MYO18B: variants seen among roughly 807,000 people sequenced by gnomAD.
The protein encoded by MYO18B is myosin XVIIIB.
MYO18B carries 204 observed loss-of-function variants against 273.0 expected under a neutral mutation model. The ratio of observed to expected loss-of-function variants is 0.75; its 90% CI spans 0.67 to 0.84. The LOEUF (loss-of-function observed/expected upper bound fraction) is 0.84, where lower values mean the gene tolerates loss of function less well. Ranked by LOEUF, MYO18B falls within the 40% of genes least tolerant of loss-of-function variation. The probability of loss-of-function intolerance (pLI) is 0.00; values close to 1 mark genes in which losing one functional copy is unlikely to be tolerated. For synonymous variants in MYO18B, 1,330 were observed against 1,305.7 expected (o/e 1.02, Z -0.40); for missense variants, 3,212 against 3,287.6 (o/e 0.98, Z 0.56).
intron 8 of MYO18B, 115 bp downstream of exon 8, chr22:25,777,896 T>C: frequency 2.0e-6 from 2 of 1,010,900 alleles, no homozygotes; most frequent in Non-Finnish European, 2.8e-6. Flanking sequence ...GCACCAGATA[T>C]GTGCAGACCC....
In MYO18B at chr22:25,779,950, T is replaced by A. The variant is rs112679339; in HGVS notation, c.2069-106T>A. ...AGCCCACCGGGGGCTGAGGCCAGGA[T>A]GGGGACTGGCCCAAGCAGGGGCCGT... On this transcript the variant is annotated intron_variant, in intron 8 of 43. Coordinates refer to ENST00000335473, the MANE Select transcript of MYO18B (RefSeq NM_032608.7). 4.2e-3 allele frequency: 5,781 copies of A among 1,387,984 alleles called. 222 individuals are homozygous for A. In the African/African-American group the frequency reaches 0.076, roughly 18 times the overall value. 86.0% of individuals were successfully genotyped at this position (1,387,984 alleles called of 1,614,324 possible).
chr22:25,865,147 A>T (rs575647622), intron 21 of MYO18B, among the ~76,000 whole-genome samples: 6 of 152,252 alleles, frequency 3.9e-5, no homozygotes, highest in African/African-American at 1.4e-4. Flanking sequence ...TATAGTTTCA[A>T]TTAATTCTCT....
chr22:25,810,842 A>G (rs2088716473), intron 12 of MYO18B, among the ~76,000 whole-genome samples: 1 of 152,066 alleles, frequency 6.6e-6, no homozygotes. Context: ...TATTACTGAT[A>G]TCTTGTGATG....
chr22:26,061,893 C>A, the MYO18B span, among the ~76,000 whole-genome samples: 1 of 151,486 alleles, frequency 6.6e-6, no homozygotes, highest in Non-Finnish European at 1.5e-5. Flanking sequence ...TGCTGAAAAA[C>A]AAAAAAAATC....
chr22:25,914,725 C>G (rs1173421089), intron 33 of MYO18B, among the ~76,000 whole-genome samples: 1 of 88,718 alleles, frequency 1.1e-5, no homozygotes, highest in Non-Finnish European at 1.9e-5. Context: ...GAGATGGAGT[C>G]TCGCTCTGTC....
At chr22:25,780,244 T>C in intron 9 of MYO18B, 46 bp downstream of exon 9, 1 of 1,567,786 alleles carries the variant, frequency 6.4e-7, no homozygotes, top group East Asian at 2.3e-5. Flanking sequence ...GGGGCTGCTG[T>C]GTCTCTAACC....
Position 25,952,317 on chromosome 22 carries a change from T to G in MYO18B, c.5864T>G (p.Leu1955Arg). Residue 1955 changes from leucine (L) to arginine (R), a missense_variant, in exon 38 of 44, where the codon CTG (leucine) becomes CGG (arginine). Transcript: ENST00000335473. ...LQVAQMRIEY[L>R]EQSTVDRAIV... ...GTGGCTCAGATGCGCATCGAGTACC[T>G]GGAACAGTCCACCGTGGATCGAGCC... The G allele has an allele frequency of 3.1e-6, 5 of 1,611,352 alleles. No homozygotes were observed. The highest frequency in any genetic ancestry group is 4.2e-6 in the Non-Finnish European group (5 of 1,178,922).
chr22:25,974,193 A>G (rs1010610708), intron 39 of MYO18B, among the ~76,000 whole-genome samples: 2 of 152,208 alleles, frequency 1.3e-5, no homozygotes, highest in Admixed American at 6.5e-5. Context: ...CTACTCAACA[A>G]TTAGACCCGC....
chr22:25,837,821 C>G (rs1237173866), intron 17 of MYO18B, among the ~76,000 whole-genome samples: 2 of 152,212 alleles, frequency 1.3e-5, no homozygotes, highest in African/African-American at 4.8e-5. Context: ...CTCTGCCCAT[C>G]ATGGAGGCAC....
intron 34 of MYO18B, among the ~76,000 whole-genome samples, chr22:25,936,060 A>C (rs2092573929): frequency 6.6e-6 from 1 of 152,246 alleles, no homozygotes; most frequent in Non-Finnish European, 1.5e-5. Context: ...GTGACCCTCC[A>C]GGAGCCCAGT....
chr22:26,056,076 A>T, the MYO18B span, among the ~76,000 whole-genome samples: 5 of 152,232 alleles, frequency 3.3e-5, no homozygotes, highest in Non-Finnish European at 7.3e-5. Context: ...TTAAAGAAAG[A>T]TTAATTGACC....
intron 27 of MYO18B, chr22:25,892,636 G>A (rs2091690992): frequency 1.3e-5 from 2 of 152,220 alleles, no homozygotes; most frequent in Non-Finnish European, 2.9e-5. Context: ...ATGGAGATCA[G>A]GGGTCTGTGG....
chr22:26,050,222 C>T, the MYO18B span, among the ~76,000 whole-genome samples: 3 of 152,270 alleles, frequency 2.0e-5, no homozygotes, highest in East Asian at 5.8e-4. Flanking sequence ...GAAAAGGAAG[C>T]CATTTATCTG....
At chr22:25,773,287 G>A (rs1871360873) in intron 7 of MYO18B, among the ~76,000 whole-genome samples, 1 of 152,222 alleles carries the variant, frequency 6.6e-6, no homozygotes, top group Middle Eastern at 3.4e-3. Context: ...CCCTTGTGGA[G>A]TTGCTGTTCT....
chr22:25,746,864 G>A (rs1312175144), intron 1 of MYO18B, among the ~76,000 whole-genome samples: 4 of 152,220 alleles, frequency 2.6e-5, no homozygotes, highest in Non-Finnish European at 5.9e-5. Context: ...GCTCATGCCT[G>A]TAATCCCAGC....
chr22:26,043,444 G>T, the MYO18B span, among the ~76,000 whole-genome samples: 5 of 151,704 alleles, frequency 3.3e-5, no homozygotes, highest in East Asian at 7.7e-4. Flanking sequence ...TAGATTGCTG[G>T]GTCTTAGGGT....
At chr22:26,042,863 C>T in the MYO18B span, among the ~76,000 whole-genome samples, 2 of 152,204 alleles carry the variant, frequency 1.3e-5, no homozygotes, top group African/African-American at 4.8e-5. Flanking sequence ...GACCTTGGTG[C>T]CTGGTACACA....
intron 8 of MYO18B, among the ~76,000 whole-genome samples, chr22:25,778,024 G>A (rs981677508): frequency 1.3e-5 from 2 of 152,158 alleles, no homozygotes; most frequent in African/African-American, 2.4e-5. Flanking sequence ...CATCATACAT[G>A]GACATTGTTA....
chr22:25,847,770 C>T (rs1396723661), intron 20 of MYO18B, 118 bp downstream of exon 20: 13 of 708,656 alleles, frequency 1.8e-5, no homozygotes, highest in African/African-American at 1.8e-4. Context: ...ACCCAGCATC[C>T]TGGTTACTCT....
Sources: gnomAD v4.1 joint callset for allele counts (sites outside exome capture counted in the v4.1 genomes callset) on GRCh38, gnomAD v4.1.1 for gene constraint, MANE v1.5 for transcripts, NCBI Gene and HGNC (gene_info 2026-07-23, HGNC 2026-07-21) for gene names.